COP1: variants seen among roughly 807,000 people sequenced by gnomAD.
The protein encoded by COP1 is COP1 E3 ubiquitin ligase.
A neutral mutation model predicts 101.3 loss-of-function variants in COP1; 24 were observed. That is an observed-to-expected ratio of 0.24 (90% CI 0.17 to 0.33). The LOEUF (loss-of-function observed/expected upper bound fraction) is 0.33. COP1 is among the 10% of genes least tolerant of loss of function. The probability of loss-of-function intolerance (pLI) is 1.00; values close to 1 mark genes in which losing one functional copy is unlikely to be tolerated. For missense variants in COP1, 663 were observed against 906.2 expected (o/e 0.73, Z 3.45); for synonymous variants, 347 against 341.9 (o/e 1.01, Z -0.17).
chr1:176,174,884 C>T (rs931192770), intron 3 of COP1, among the ~76,000 whole-genome samples: 14 of 152,260 alleles, frequency 9.2e-5, no homozygotes, highest in African/African-American at 3.4e-4. Flanking sequence ...ATTCCCAAAA[C>T]ATTCAGATTA....
chr1:176,106,217 G>C (rs890739170), intron 9 of COP1, among the ~76,000 whole-genome samples: 6 of 152,032 alleles, frequency 3.9e-5, no homozygotes, highest in African/African-American at 1.2e-4. Flanking sequence ...TTTTTGTAGA[G>C]ACGAGGTTTC....
intron 1 of COP1, among the ~76,000 whole-genome samples, chr1:176,196,685 A>G (rs1016699397): frequency 2.6e-5 from 4 of 152,170 alleles, no homozygotes. Flanking sequence ...TTAAGGAAAA[A>G]CACCAATTTC....
At chr1:176,134,159 A>G (rs1282087278) in intron 8 of COP1, among the ~76,000 whole-genome samples, 1 of 151,940 alleles carries the variant, frequency 6.6e-6, no homozygotes, top group Non-Finnish European at 1.5e-5. Context: ...AGGTTTCCGA[A>G]GGTTATTATA....
chr1:176,168,721 G>A lies in COP1; in HGVS notation c.566-4830C>T, dbSNP rs1306669326. The A allele has an allele frequency of 1.4e-5, 5 of 355,056 alleles. No individual in the cohort carries two copies. The East Asian group carries it at 3.4e-4, about 24-fold the overall frequency. 22.0% of individuals were successfully genotyped at this position (355,056 alleles called of 1,614,324 possible). ...AAGAGAGCATTCAAAACCAAGGGAGGCAGAGAGGAGCAGACAGAGTATGCA... is the reference window on the plus strand; with the variant it reads ...AAGAGAGCATTCAAAACCAAGGGAGACAGAGAGGAGCAGACAGAGTATGCA... On this transcript the variant is annotated intron_variant, in intron 3 of 19. Coordinates refer to ENST00000367669, the MANE Select transcript of COP1 (RefSeq NM_022457.7).
intron 18 of COP1, among the ~76,000 whole-genome samples, chr1:175,967,456 A>C (rs114925982): frequency 0.034 from 5,128 of 152,248 alleles, 118 homozygotes; most frequent in Non-Finnish European, 0.047. Context: ...ACTGCACTCC[A>C]ACCTGGGTGA....
At chr1:176,189,349 T>C (rs1300030155) in intron 1 of COP1, among the ~76,000 whole-genome samples, 1 of 152,098 alleles carries the variant, frequency 6.6e-6, no homozygotes, top group Non-Finnish European at 1.5e-5. Flanking sequence ...TTTTTCTGGC[T>C]TGCTTTCATT....
chr1:176,055,055 C>T (rs954733525), intron 11 of COP1, among the ~76,000 whole-genome samples: 7 of 152,154 alleles, frequency 4.6e-5, no homozygotes, highest in African/African-American at 7.2e-5. Context: ...CTCTCTCTTC[C>T]ACAATAGAGT....
chr1:175,967,780 G>GATT (rs1652354357), intron 18 of COP1, among the ~76,000 whole-genome samples: 1 of 152,188 alleles, frequency 6.6e-6, no homozygotes, highest in Non-Finnish European at 1.5e-5. Context: ...AGCTATCTCT[G>GATT]ATTAGCTCCT....
rs562550519 is a variant in COP1, at chr1:176,071,018, A to T, written c.1277+10134T>A. ...TAAATACTTTCAAAGCACTTAAAAC[A>T]CTTTATTCTAGATATTGACTGACAG... On this transcript the variant is annotated intron_variant, in intron 11 of 19. Transcript: ENST00000367669. 7.9e-5 allele frequency among the ~76,000 whole-genome samples: 12 copies of T among 152,148 alleles called. No homozygotes were observed. The South Asian group carries it at 2.5e-3, about 32-fold the overall frequency.
intron 15 of COP1, among the ~76,000 whole-genome samples, chr1:176,009,882 G>C (rs1027825694): frequency 4.8e-5 from 7 of 144,394 alleles, no homozygotes; most frequent in Non-Finnish European, 9.1e-5. Flanking sequence ...TTACTTGGGG[G>C]GGGGGGGTCC....
At chr1:176,148,462 A>G (rs1691922859) in intron 6 of COP1, among the ~76,000 whole-genome samples, 1 of 152,034 alleles carries the variant, frequency 6.6e-6, no homozygotes, top group African/African-American at 2.4e-5. Flanking sequence ...TGACTATTTA[A>G]TTTTCCCATA....
At chr1:175,980,257 CTGGAGG>C (rs1655510810) in intron 18 of COP1, among the ~76,000 whole-genome samples, 2 of 151,662 alleles carry the variant, frequency 1.3e-5, no homozygotes, top group African/African-American at 2.4e-5. Flanking sequence ...TTTGAGGAGT[CTGGAGG>C]TTACATGAAC....
chr1:176,007,659 G>C (rs900136330), intron 15 of COP1, among the ~76,000 whole-genome samples: 3 of 151,994 alleles, frequency 2.0e-5, no homozygotes, highest in Non-Finnish European at 2.9e-5. Flanking sequence ...GCTGCTCAGG[G>C]GTCAGGGGTC....
chr1:176,139,582 G>A (rs1360277649), intron 6 of COP1, among the ~76,000 whole-genome samples: 4 of 152,038 alleles, frequency 2.6e-5, no homozygotes, highest in Non-Finnish European at 4.4e-5. Flanking sequence ...CATCAACGGT[G>A]GACTCAATAA....
chr1:175,969,363 G>C (rs1211573759), intron 18 of COP1, among the ~76,000 whole-genome samples: 1 of 152,130 alleles, frequency 6.6e-6, no homozygotes, highest in East Asian at 1.9e-4. Context: ...CTTCTCCTCT[G>C]AAGCAGGTCA....
At chr1:176,120,176 C>T (rs1234360770) in intron 8 of COP1, among the ~76,000 whole-genome samples, 2 of 151,936 alleles carry the variant, frequency 1.3e-5, no homozygotes, top group Non-Finnish European at 2.9e-5. Flanking sequence ...GTTATACTAG[C>T]TTAAGAAATT....
chr1:176,047,171 C>A (rs928172234), intron 11 of COP1, among the ~76,000 whole-genome samples: 1 of 152,138 alleles, frequency 6.6e-6, no homozygotes, highest in Non-Finnish European at 1.5e-5. Context: ...ATACATTATT[C>A]CTCAATATGA....
At chr1:176,175,721 A>G (rs565127855) in intron 3 of COP1, among the ~76,000 whole-genome samples, 189 bp downstream of exon 3, 27 of 152,304 alleles carry the variant, frequency 1.8e-4, no homozygotes, top group African/African-American at 6.5e-4. Context: ...TTTTTAATAA[A>G]ACTTAAAAAT....
In COP1 at chr1:175,945,264, A is replaced by C. The variant is rs905144139; in HGVS notation, c.2179-94T>G. ...TTACTATATTTACCAATAGAAAAGC[A>C]AATTTAAAAAACGTTTCCCAACTGG... On this transcript the variant is annotated intron_variant, in intron 19 of 19. Transcript: ENST00000367669. The C allele has an allele frequency of 2.0e-5, 18 of 901,656 alleles. No homozygotes were observed. In the South Asian group the frequency reaches 3.1e-4, roughly 15 times the overall value. The allele number at this position is 901,656 out of a possible 1,614,324, so 55.9% of individuals were successfully genotyped here.
Sources: allele counts gnomAD v4.1 joint callset (sites outside exome capture counted in the v4.1 genomes callset), GRCh38; gene constraint gnomAD v4.1.1; transcripts MANE v1.5; gene names NCBI Gene and HGNC (gene_info 2026-07-23, HGNC 2026-07-21).